The following SPTBN1 variants were observed in gnomAD, a reference collection of about 807,000 sequenced individuals.
SPTBN1 encodes the protein spectrin beta, non-erythrocytic 1.
In SPTBN1, 32 loss-of-function variants were observed where a neutral mutation model predicts 266.4. The ratio of observed to expected loss-of-function variants is 0.12; its 90% CI spans 0.09 to 0.16. The LOEUF (loss-of-function observed/expected upper bound fraction) is 0.16, where lower values mean the gene tolerates loss of function less well. Among genes scored for constraint, SPTBN1 ranks in the 10% least tolerant of loss-of-function variants. SPTBN1 has a pLI of 1.00. For missense variants in SPTBN1, 2,296 were observed against 3,067.1 expected (o/e 0.75, Z 5.94); for synonymous variants, 1,336 against 1,162.2 (o/e 1.15, Z -3.04).
chr2:54,541,561 G>GC (rs764076277), intron 2 of SPTBN1, among the ~76,000 whole-genome samples: 6 of 152,158 alleles, frequency 3.9e-5, no homozygotes, highest in Non-Finnish European at 7.3e-5. Flanking sequence ...CCCACATGTG[G>GC]ATTTTCTTTT....
chr2:54,641,811 C>T (rs1373382949), intron 18 of SPTBN1, among the ~76,000 whole-genome samples: 2 of 152,122 alleles, frequency 1.3e-5, no homozygotes, highest in African/African-American at 4.8e-5. Context: ...AAACAAATCT[C>T]GGGGAGCCTT....
intron 35 of SPTBN1, 70 bp from the exon 36 acceptor site, chr2:54,668,281 A>ATCTGG: frequency 1.3e-6 from 2 of 1,519,354 alleles, no homozygotes; most frequent in South Asian, 2.3e-5. Flanking sequence ...CGCCATTCCC[A>ATCTGG]AGCCTTGGAG....
chr2:54,573,475 C>T (rs948489935), intron 2 of SPTBN1, among the ~76,000 whole-genome samples: 16 of 152,326 alleles, frequency 1.1e-4, no homozygotes, highest in African/African-American at 3.8e-4. Context: ...CCACCACTCA[C>T]CTCCTGCTGT....
At position 54,457,145 on chromosome 2, in the gene SPTBN1, G is replaced by C. The variant is rs1406192273; in HGVS notation, c.-48+627G>C. 1.9e-4 allele frequency: 15 copies of C among 77,904 alleles called. 1 individual carries two copies. The highest frequency in any genetic ancestry group is 1.7e-4 in the African/African-American group (3 of 17,270). The allele number at this position is 77,904 out of a possible 1,614,324, so 4.8% of individuals were successfully genotyped here. On this transcript the variant is annotated intron_variant, in intron 1 of 35. Transcript: ENST00000356805. Reference sequence around the variant, plus strand: ...CCCCATCCCTGCGCTTGCTACCCTCGTGCGCCCGCCCCCCCCCCGCCCTTT... The same window carrying C: ...CCCCATCCCTGCGCTTGCTACCCTCCTGCGCCCGCCCCCCCCCCGCCCTTT...
chr2:54,647,219 C>G lies in SPTBN1; in HGVS notation c.4955C>G (p.Ser1652Cys), dbSNP rs781020163. 2 of 1,613,980 alleles carry G rather than the reference C, an allele frequency of 1.2e-6. No individual in the cohort carries two copies. The highest frequency in any genetic ancestry group is 8.5e-7 in the Non-Finnish European group (1 of 1,180,044). ...TATGCAGAGACCGTGCATCAGCTCT[C>G]CAAGACCAGCCGGGCCCTGGTGGCC... Reference protein sequence around the residue: ...EDYAETVHQLSKTSRALVADS... With the variant: ...EDYAETVHQLCKTSRALVADS... The change falls in exon 24 of 36, where the codon TCC becomes TGC. Residue 1652 changes from serine to cysteine, a missense_variant. Transcript: ENST00000356805.
At chr2:54,583,518 A>G (rs1315159349) in intron 2 of SPTBN1, among the ~76,000 whole-genome samples, 1 of 152,156 alleles carries the variant, frequency 6.6e-6, no homozygotes, top group Non-Finnish European at 1.5e-5. Flanking sequence ...ATCCCTTGCT[A>G]GGAACATGGT....
At position 54,625,818 on chromosome 2, in the gene SPTBN1, T is replaced by C. The variant is rs530015463; in HGVS notation, c.1342-114T>C. 1.0e-4 allele frequency: 122 copies of C among 1,165,496 alleles called. 1 individual carries two copies. The highest frequency in any genetic ancestry group is 2.8e-4 in the South Asian group (18 of 63,850). 72.2% of individuals were successfully genotyped at this position (1,165,496 alleles called of 1,614,324 possible). On this transcript the variant is annotated intron_variant, in intron 11 of 35. Coordinates refer to ENST00000356805, the MANE Select transcript of SPTBN1 (RefSeq NM_003128.3). ...GTTGGCCAGGCTAGTCTCGAACTCC[T>C]GACCTCAAGTGATCTGCCCGCCTCG...
intron 2 of SPTBN1, 94 bp downstream of exon 2, chr2:54,526,660 T>C: frequency 2.9e-6 from 4 of 1,401,992 alleles, no homozygotes; most frequent in Non-Finnish European, 3.8e-6. Flanking sequence ...GCTGTCATGT[T>C]CGAAGGTTGT....
chr2:54,611,088 A>T (rs1677178118), intron 3 of SPTBN1, among the ~76,000 whole-genome samples: 1 of 152,218 alleles, frequency 6.6e-6, no homozygotes, highest in East Asian at 1.9e-4. Context: ...GTTTGTGTGT[A>T]TGAGTTTTGA....
intron 1 of SPTBN1, among the ~76,000 whole-genome samples, chr2:54,467,984 T>C (rs1002782333): frequency 5.9e-5 from 9 of 152,190 alleles, no homozygotes; most frequent in Non-Finnish European, 7.4e-5. Context: ...CACTAGATAC[T>C]ATGTGACCCC....
At chr2:54,600,168 C>T (rs951800658) in intron 3 of SPTBN1, among the ~76,000 whole-genome samples, 4 of 152,160 alleles carry the variant, frequency 2.6e-5, no homozygotes, top group African/African-American at 4.8e-5. Context: ...GCAGACCTGC[C>T]CCACACCTCT....
chr2:54,528,432 C>G (rs541157801), intron 2 of SPTBN1: 2 of 152,588 alleles, frequency 1.3e-5, no homozygotes, highest in Non-Finnish European at 1.5e-5. Flanking sequence ...GGATGTTTAC[C>G]TAGGTCCCTC....
At chr2:54,654,944 G>C (rs927527487) in intron 27 of SPTBN1, 126 bp from the exon 28 acceptor site, 5 of 1,242,948 alleles carry the variant, frequency 4.0e-6, no homozygotes, top group Middle Eastern at 5.6e-4. Flanking sequence ...GAGTGATTCA[G>C]ACCTGAAAGA....
chr2:54,666,729 A>C (rs1221676260), intron 34 of SPTBN1, among the ~76,000 whole-genome samples: 1 of 152,250 alleles, frequency 6.6e-6, no homozygotes, highest in African/African-American at 2.4e-5. Flanking sequence ...AAAAGTGGTT[A>C]GAATGCTTGT....
intron 17 of SPTBN1, among the ~76,000 whole-genome samples, chr2:54,635,393 A>G (rs1679050733): frequency 6.6e-6 from 1 of 152,240 alleles, no homozygotes. Flanking sequence ...ACACCACACG[A>G]AGGCCGTTGT....
In SPTBN1 at chr2:54,653,732, G is replaced by A; in HGVS notation, c.5701G>A (p.Glu1901Lys). The change falls in exon 27 of 36, where the codon GAG (glutamate) becomes AAG (lysine). Residue 1901 changes from glutamate (E) to lysine (K), a missense_variant. Glu to Lys is a moderately conservative substitution (Grantham distance 56, BLOSUM62 1). Coordinates refer to ENST00000356805, the MANE Select transcript of SPTBN1 (RefSeq NM_003128.3). This position sits in a 1 kb window ranked among gnomAD's most constrained non-coding sequence, Gnocchi z 5.1. ...EAWKSLLDAC[E>K]SRRVRLVDTG... ...CTGGAAGTCCCTCCTGGACGCCTGTGAGAGCCGCAGGGTGCGGCTGGTGGA... is the reference window on the plus strand; with the variant it reads ...CTGGAAGTCCCTCCTGGACGCCTGTAAGAGCCGCAGGGTGCGGCTGGTGGA... 1.2e-6 allele frequency: 2 copies of A among 1,614,234 alleles called. No individual in the cohort carries two copies. Among genetic ancestry groups the A allele is most frequent in the Non-Finnish European group, 1.7e-6 (2 of 1,180,028 alleles).
At chr2:54,582,333 C>T (rs182658400) in intron 2 of SPTBN1, among the ~76,000 whole-genome samples, 267 of 152,004 alleles carry the variant, frequency 1.8e-3, no homozygotes, top group Middle Eastern at 3.4e-3. Context: ...AGCAGGGACT[C>T]CTTGAAGGTG....
In SPTBN1 at chr2:54,670,468, C is replaced by T. The variant is rs1448670315; in HGVS notation, c.*1899C>T. On this transcript the variant is annotated 3_prime_UTR_variant, in exon 36 of 36. Transcript: ENST00000356805. ...GTGGCATCAAAGCTTTCTCTTAACT[C>T]TCTTACCTCTAGGCAAACTGAGACC... 1.3e-5 allele frequency: 5 copies of T among 383,540 alleles called. No homozygotes were observed. Among genetic ancestry groups the T allele is most frequent in the African/African-American group, 1.0e-4 (5 of 48,380 alleles). The allele number at this position is 383,540 out of a possible 1,614,324, so 23.8% of individuals were successfully genotyped here.
intron 19 of SPTBN1, 34 bp from the exon 20 acceptor site, chr2:54,644,289 G>GT: frequency 1.3e-6 from 2 of 1,583,856 alleles, no homozygotes; most frequent in Non-Finnish European, 1.7e-6. Context: ...TAGCAAACTT[G>GT]TTTATTTACA....
Sources: gnomAD v4.1 joint callset for allele counts (sites outside exome capture counted in the v4.1 genomes callset) on GRCh38, gnomAD v4.1.1 for gene constraint, Gnocchi (gnomAD v3.1) non-coding constraint, MANE v1.5 for transcripts, NCBI Gene and HGNC (gene_info 2026-07-23, HGNC 2026-07-21) for gene names.